ADAMTSL3: variants seen among roughly 807,000 people sequenced by gnomAD.
ADAMTSL3 encodes ADAMTS-like protein 3.
ADAMTSL3 carries 128 observed loss-of-function variants against 201.7 expected under a neutral mutation model. The ratio of observed to expected loss-of-function variants is 0.63; its 90% CI spans 0.55 to 0.73. The LOEUF (loss-of-function observed/expected upper bound fraction) is 0.73. ADAMTSL3 is among the 30% of genes least tolerant of loss of function. The pLI, the probability that ADAMTSL3 is intolerant of heterozygous loss-of-function variation, is 0.00. For synonymous variants in ADAMTSL3, 738 were observed against 748.4 expected, an observed-to-expected ratio of 0.99 and a Z score of 0.23; for missense variants, 1,990 against 2,119.6, an observed-to-expected ratio of 0.94 and a Z score of 1.20.
intron 3 of ADAMTSL3, among the ~76,000 whole-genome samples, chr15:83,745,179 G>A (rs1400968980): frequency 6.6e-6 from 1 of 152,176 alleles, no homozygotes; most frequent in Non-Finnish European, 1.5e-5. Flanking sequence ...GAGTCCACAT[G>A]GGGAGTATCA....
chr15:83,738,660 G>C (rs1049670135), intron 3 of ADAMTSL3, among the ~76,000 whole-genome samples: 5 of 152,140 alleles, frequency 3.3e-5, no homozygotes, highest in Non-Finnish European at 7.4e-5. Context: ...TTGGGAGGCT[G>C]AGGTGGGTGG....
At chr15:83,822,979 G>A (rs1201901364) in intron 6 of ADAMTSL3, among the ~76,000 whole-genome samples, 1 of 152,022 alleles carries the variant, frequency 6.6e-6, no homozygotes, top group South Asian at 2.1e-4. Flanking sequence ...GATCACTCGC[G>A]GTTAGGAGCT....
At chr15:83,679,787 G>T (rs1166707689) in intron 2 of ADAMTSL3, among the ~76,000 whole-genome samples, 1 of 152,168 alleles carries the variant, frequency 6.6e-6, no homozygotes, top group Non-Finnish European at 1.5e-5. Flanking sequence ...AGGGAGAGGA[G>T]CACCGCCTGC....
chr15:83,925,484 C>T (rs1307030222), intron 17 of ADAMTSL3, among the ~76,000 whole-genome samples: 1 of 152,132 alleles, frequency 6.6e-6, no homozygotes, highest in Non-Finnish European at 1.5e-5. Context: ...TGTTTCCCTG[C>T]CACCTCCCAC....
At chr15:83,660,029 G>A (rs2061140878) in intron 2 of ADAMTSL3, among the ~76,000 whole-genome samples, 1 of 152,140 alleles carries the variant, frequency 6.6e-6, no homozygotes, top group South Asian at 2.1e-4. Flanking sequence ...GTGGTAATTT[G>A]TTACAGCACC....
chr15:83,825,408 C>A (rs530335279), intron 6 of ADAMTSL3, among the ~76,000 whole-genome samples: 3 of 152,084 alleles, frequency 2.0e-5, no homozygotes, highest in Non-Finnish European at 4.4e-5. Context: ...CCTAGGAGTT[C>A]GAGACCAGCC....
intron 2 of ADAMTSL3, among the ~76,000 whole-genome samples, chr15:83,700,339 T>C (rs1251016309): frequency 6.6e-6 from 1 of 152,220 alleles, no homozygotes; most frequent in African/African-American, 2.4e-5. Flanking sequence ...TGTTCTTTTT[T>C]TGTGTGCCAG....
chr15:83,990,201 C>T (rs1246358451), intron 22 of ADAMTSL3, among the ~76,000 whole-genome samples: 6 of 152,100 alleles, frequency 3.9e-5, no homozygotes, highest in Non-Finnish European at 7.4e-5. Context: ...CCCAAGCACA[C>T]ATATAGCTTA....
rs534980316 is a variant in ADAMTSL3 at position 83,797,746 on chromosome 15, C to T, written c.318-6904C>T. On this transcript the variant is annotated intron_variant, in intron 4 of 29. Transcript: ENST00000286744. ...GTAATGAGGGTGAAAACTGGTATGTCCATGTTAGAGAGCAATTTGTCAATA... is the reference window on the plus strand; with the variant it reads ...GTAATGAGGGTGAAAACTGGTATGTTCATGTTAGAGAGCAATTTGTCAATA... Among the ~76,000 whole-genome samples the T allele has an allele frequency of 2.0e-5, 3 of 152,156 alleles. No homozygotes were observed. In the South Asian group the frequency reaches 6.2e-4, roughly 32 times the overall value.
chr15:83,781,759 G>T lies in ADAMTSL3; in HGVS notation c.317+8109G>T, dbSNP rs141400674. ...AAAACAAACAACTCCATTAAAAAGT[G>T]GGCAAAGGACATGAACAGACATTTT... On this transcript the variant is annotated intron_variant, in intron 4 of 29. Transcript: ENST00000286744. 1.4e-3 allele frequency among the ~76,000 whole-genome samples: 209 copies of T among 152,234 alleles called. 1 individual carries two copies. The highest frequency in any genetic ancestry group is 2.9e-4 in the Non-Finnish European group (20 of 68,022).
intron 19 of ADAMTSL3, among the ~76,000 whole-genome samples, chr15:83,966,720 C>CA (rs1198343503): frequency 6.6e-6 from 1 of 151,700 alleles, no homozygotes; most frequent in African/African-American, 2.4e-5. Context: ...GGCAGAAACA[C>CA]AACAAAAAAA....
chr15:83,663,740 A>T (rs1435196401), intron 2 of ADAMTSL3, among the ~76,000 whole-genome samples: 1 of 152,244 alleles, frequency 6.6e-6, no homozygotes, highest in East Asian at 1.9e-4. Context: ...GAGTCTGAGC[A>T]GGAAGATCTT....
At position 83,704,443 on chromosome 15, in the gene ADAMTSL3, C is replaced by T. The variant is rs1876388762; in HGVS notation, c.124C>T (p.Pro42Ser). 2 of 1,614,184 alleles carry T rather than the reference C, an allele frequency of 1.2e-6. No homozygotes were observed. The highest frequency in any genetic ancestry group is 1.6e-4 in the Middle Eastern group (1 of 6,062). ...AYFLPEFALS[P>S]QGSFLEDTTG... Reference sequence around the variant, plus strand: ...TTTCCTTCCCGAGTTTGCACTTTCTCCTCAGGGAAGTTTTCTGGAAGACAC... The same window carrying T: ...TTTCCTTCCCGAGTTTGCACTTTCTTCTCAGGGAAGTTTTCTGGAAGACAC... Residue 42 changes from proline (P) to serine (S), a missense_variant, in exon 3 of 30, where the codon CCT becomes TCT. Coordinates refer to ENST00000286744, the MANE Select transcript of ADAMTSL3 (RefSeq NM_207517.3).
intron 2 of ADAMTSL3, among the ~76,000 whole-genome samples, chr15:83,685,598 G>A (rs1438134774): frequency 6.6e-6 from 1 of 151,934 alleles, no homozygotes; most frequent in Non-Finnish European, 1.5e-5. Context: ...TTTGTTTTTC[G>A]CCCAAAGGAA....
chr15:83,730,479 C>T (rs1475039941), intron 3 of ADAMTSL3, among the ~76,000 whole-genome samples: 1 of 152,064 alleles, frequency 6.6e-6, no homozygotes, highest in African/African-American at 2.4e-5. Context: ...GCTCAGGTTG[C>T]TCTCCATGGA....
chr15:83,749,183 A>C (rs1478161637), intron 3 of ADAMTSL3, among the ~76,000 whole-genome samples: 2 of 152,168 alleles, frequency 1.3e-5, no homozygotes, highest in Non-Finnish European at 2.9e-5. Flanking sequence ...GTGTGAGAGA[A>C]GGGCTGGATG....
At chr15:83,909,161 A>G (rs2141949204) in intron 15 of ADAMTSL3, among the ~76,000 whole-genome samples, 1 of 152,282 alleles carries the variant, frequency 6.6e-6, no homozygotes, top group South Asian at 2.1e-4. Context: ...CTTGTTTTTA[A>G]GGATGTCTGT....
At chr15:83,929,800 ACACT>A (rs2066322100) in intron 17 of ADAMTSL3, among the ~76,000 whole-genome samples, 1 of 151,888 alleles carries the variant, frequency 6.6e-6, no homozygotes, top group Admixed American at 6.6e-5. Context: ...ACACACACAC[ACACT>A]CAGACTCACC....
intron 3 of ADAMTSL3, among the ~76,000 whole-genome samples, chr15:83,761,503 C>A (rs1237807369): frequency 1.3e-5 from 2 of 152,152 alleles, no homozygotes; most frequent in African/African-American, 4.8e-5. Context: ...TTTTGTCTGA[C>A]AATCTCTTTC....
Sources: gnomAD v4.1 joint callset for allele counts (sites outside exome capture counted in the v4.1 genomes callset) on GRCh38, gnomAD v4.1.1 for gene constraint, MANE v1.5 for transcripts, NCBI Gene and HGNC (gene_info 2026-07-23, HGNC 2026-07-21) for gene names.